XPNPEP1: variants seen among roughly 807,000 people sequenced by gnomAD.
The protein encoded by XPNPEP1 is X-prolyl aminopeptidase 1, also known as xaa-Pro aminopeptidase 1.
Under a neutral mutation model 92.4 loss-of-function variants are expected in XPNPEP1, and 39 were observed. That is an observed-to-expected ratio of 0.42 (90% confidence interval 0.33 to 0.55). XPNPEP1 has a LOEUF of 0.55. XPNPEP1 is among the 20% of genes least tolerant of loss of function. XPNPEP1 has a pLI of 0.08. For synonymous variants in XPNPEP1, 307 were observed against 299.4 expected (o/e 1.03, Z -0.26); for missense variants, 654 against 856.1 (o/e 0.76, Z 2.95).
chr10:109,880,331 T>A, intron 11 of XPNPEP1, 93 bp from the exon 12 acceptor site: 1 of 1,304,510 alleles, frequency 7.7e-7, no homozygotes, highest in Non-Finnish European at 1.1e-6. Flanking sequence ...GAGAAGGCTG[T>A]ACCTGCAGGG....
chr10:109,874,546 CT>C (rs1301648675), intron 15 of XPNPEP1, among the ~76,000 whole-genome samples: 2 of 152,226 alleles, frequency 1.3e-5, no homozygotes, highest in Non-Finnish European at 2.9e-5. Context: ...ATTAACACCC[CT>C]GTGTCCCAAG....
At chr10:109,887,232 G>A (rs1361875760) in intron 7 of XPNPEP1, among the ~76,000 whole-genome samples, 2 of 152,180 alleles carry the variant, frequency 1.3e-5, no homozygotes, top group Non-Finnish European at 2.9e-5. Context: ...CCACGCTGAT[G>A]GAAAATATTT....
At chr10:109,920,831 C>T (rs1169140352) in intron 1 of XPNPEP1, among the ~76,000 whole-genome samples, 1 of 152,252 alleles carries the variant, frequency 6.6e-6, no homozygotes, top group East Asian at 1.9e-4. Flanking sequence ...TAGGTGTGAG[C>T]CACCGTGCCT....
intron 1 of XPNPEP1, among the ~76,000 whole-genome samples, chr10:109,921,305 C>A (rs751196343): frequency 1.1e-4 from 17 of 152,232 alleles, no homozygotes; most frequent in Non-Finnish European, 2.5e-4. Flanking sequence ...AGCGTTCCAG[C>A]CTCCCAACAT....
At position 109,882,512 on chromosome 10, in the gene XPNPEP1, G is replaced by C. The variant is rs191856337; in HGVS notation, c.961C>G (p.Leu321Val). The part of the protein sequence containing the change: ...YKSILSELKA[L>V]CADLSPREKV... Reference sequence around the variant, plus strand: ...TCCCTTGGGGAGAGGTCAGCACACAGGGCCTTGAGCTCGCTCAGGATGGAC... The same window carrying C: ...TCCCTTGGGGAGAGGTCAGCACACACGGCCTTGAGCTCGCTCAGGATGGAC... Residue 321 changes from leucine to valine, a missense_variant, in exon 10 of 21, where the codon CTG becomes GTG. Leu to Val is a conservative substitution (Grantham distance 32). Coordinates refer to ENST00000502935, the MANE Select transcript of XPNPEP1 (RefSeq NM_020383.4). The C allele has an allele frequency of 8.1e-6, 13 of 1,614,100 alleles. No individual in the cohort carries two copies. The highest frequency in any genetic ancestry group is 1.1e-5 in the Non-Finnish European group (13 of 1,180,034).
rs573570389 is a variant in XPNPEP1 at position 109,889,747 on chromosome 10, A to G, written c.416-1152T>C. On this transcript the variant is annotated intron_variant, in intron 5 of 20. Coordinates refer to ENST00000502935, the MANE Select transcript of XPNPEP1 (RefSeq NM_020383.4). ...ACATATATTTAGAGTAAAAGTTCAC[A>G]TATTCTAAAACAGTAGAAACTTATC... 7.9e-5 allele frequency among the ~76,000 whole-genome samples: 12 copies of G among 152,372 alleles called. No individual in the cohort carries two copies. The South Asian group carries it at 2.5e-3, about 32-fold the overall frequency.
chr10:109,919,978 G>C (rs546936241), intron 1 of XPNPEP1, among the ~76,000 whole-genome samples: 3 of 152,098 alleles, frequency 2.0e-5, no homozygotes, highest in Admixed American at 6.5e-5. Context: ...GCTGCAGTGA[G>C]CCAAGATCGT....
In XPNPEP1 at chr10:109,918,943, AAAGG is replaced by A. The variant is rs1173235211; in HGVS notation, c.33-3848_33-3845del. Among the ~76,000 whole-genome samples the A allele has an allele frequency of 1.5e-4, 23 of 151,984 alleles. No homozygotes were observed. In the South Asian group the frequency reaches 4.6e-3, roughly 30 times the overall value. On this transcript the variant is annotated intron_variant, in intron 1 of 20. Coordinates refer to ENST00000502935, the MANE Select transcript of XPNPEP1 (RefSeq NM_020383.4). ...GAGAGAGAAAAAAGAAAAAGAACGAAAAGGAAGGAAAGGAAGGAAAGAAAAGAAA... is the reference window on the plus strand; with the variant it reads ...GAGAGAGAAAAAAGAAAAAGAACGAAAAGGAAAGGAAGGAAAGAAAAGAAA...
chr10:109,900,973 C>G (rs1849254899), intron 3 of XPNPEP1, among the ~76,000 whole-genome samples: 1 of 152,084 alleles, frequency 6.6e-6, no homozygotes, highest in Non-Finnish European at 1.5e-5. Context: ...GCTATAAAGA[C>G]ACATGCACAC....
intron 8 of XPNPEP1, among the ~76,000 whole-genome samples, chr10:109,885,390 T>C (rs1371728927): frequency 2.6e-5 from 4 of 152,212 alleles, no homozygotes; most frequent in Non-Finnish European, 4.4e-5. Context: ...TGATTTTTTT[T>C]TTCTTCTTTT....
At chr10:109,900,635 T>C (rs940637157) in intron 3 of XPNPEP1, among the ~76,000 whole-genome samples, 1 of 152,144 alleles carries the variant, frequency 6.6e-6, no homozygotes, top group Admixed American at 6.5e-5. Flanking sequence ...CTAACCCCAG[T>C]ACCCAAGTCC....
intron 18 of XPNPEP1, among the ~76,000 whole-genome samples, 179 bp from the exon 19 acceptor site, chr10:109,870,208 T>C (rs541428372): frequency 1.8e-4 from 27 of 152,326 alleles, no homozygotes; most frequent in African/African-American, 6.0e-4. Flanking sequence ...CACTTTTTTA[T>C]AGGCACTTGA....
chr10:109,907,337 G>A (rs1332428940), intron 3 of XPNPEP1, among the ~76,000 whole-genome samples: 1 of 152,198 alleles, frequency 6.6e-6, no homozygotes, highest in Admixed American at 6.5e-5. Flanking sequence ...TGAGGTCTCT[G>A]CCTCTCCAAC....
rs1486998858 is a variant in XPNPEP1, at chr10:109,865,321, A to T, written c.1873-9T>A. On this transcript the variant is annotated splice_polypyrimidine_tract_variant and intron_variant, in intron 20 of 20. Coordinates refer to ENST00000502935, the MANE Select transcript of XPNPEP1 (RefSeq NM_020383.4). ...TTGTTGAGCCAGTCGCACTGCAGGG[A>T]AGAGAAGGACAGACACGGTATTCAC... 6.2e-7 allele frequency: 1 copy of T among 1,614,114 alleles called. No individual in the cohort carries two copies. Among genetic ancestry groups the T allele is most frequent in the Non-Finnish European group, 8.5e-7 (1 of 1,180,012 alleles).
At position 109,923,459 on chromosome 10, in the gene XPNPEP1, G is replaced by A. The variant is rs1328635658; in HGVS notation, c.-26C>T. ...TCGGCGGTGACGTGCCCCAGCCCAC[G>A]TCAGGGGAGCGCAGACCAGCTGATC... On this transcript the variant is annotated 5_prime_UTR_variant, in exon 1 of 21. In the 5' UTR this introduces an upstream ATG that the reference lacks. Coordinates refer to ENST00000502935, the MANE Select transcript of XPNPEP1 (RefSeq NM_020383.4). The A allele has an allele frequency of 2.8e-6, 4 of 1,415,464 alleles. No homozygotes were observed. The highest frequency in any genetic ancestry group is 2.8e-6 in the Non-Finnish European group (3 of 1,080,918). 87.7% of individuals were successfully genotyped at this position (1,415,464 alleles called of 1,614,324 possible).
chr10:109,899,754 C>T (rs1331806178), intron 3 of XPNPEP1, among the ~76,000 whole-genome samples: 1 of 152,224 alleles, frequency 6.6e-6, no homozygotes, highest in Admixed American at 6.5e-5. Context: ...TTGGCAGAGT[C>T]AGTCCCTGAC....
At chr10:109,903,069 C>T (rs928049710) in intron 3 of XPNPEP1, among the ~76,000 whole-genome samples, 1 of 152,214 alleles carries the variant, frequency 6.6e-6, no homozygotes, top group Admixed American at 6.5e-5. Flanking sequence ...AAAGGAACAG[C>T]ACCCAGGACC....
chr10:109,916,072 A>G (rs1850170905), intron 1 of XPNPEP1, among the ~76,000 whole-genome samples: 2 of 152,210 alleles, frequency 1.3e-5, no homozygotes, highest in Non-Finnish European at 2.9e-5. Context: ...CAGACACAAA[A>G]CAAGTACACA....
At chr10:109,868,538 A>G in intron 20 of XPNPEP1, 76 bp downstream of exon 20, 1 of 1,224,970 alleles carries the variant, frequency 8.2e-7, no homozygotes, top group Non-Finnish European at 1.2e-6. Context: ...TAGGATTTAG[A>G]GGATGGATTA....
Sources: allele counts gnomAD v4.1 joint callset (sites outside exome capture counted in the v4.1 genomes callset), GRCh38; gene constraint gnomAD v4.1.1; transcripts MANE v1.5; gene names NCBI Gene and HGNC (gene_info 2026-07-23, HGNC 2026-07-21).